Variants in GRM3 observed in about 807,000 individuals in gnomAD.
GRM3 encodes metabotropic glutamate receptor 3.
Under a neutral mutation model 70.5 loss-of-function variants are expected in GRM3, and 26 were observed. The ratio of observed to expected loss-of-function variants is 0.37; its 90% CI spans 0.27 to 0.51. GRM3 has a LOEUF of 0.51. GRM3 is among the 20% of genes least tolerant of loss of function. GRM3 has a pLI of 0.93. For missense variants in GRM3, 859 were observed against 1,123.8 expected (o/e 0.76, Z 3.37); for synonymous variants, 443 against 434.9 (o/e 1.02, Z -0.23).
chr7:86,859,470 G>A (rs1798913689), intron 5 of GRM3, among the ~76,000 whole-genome samples: 1 of 152,158 alleles, frequency 6.6e-6, no homozygotes, highest in African/African-American at 2.4e-5. Flanking sequence ...CAGATTCAAT[G>A]ACAAAGCAGG....
intron 1 of GRM3, among the ~76,000 whole-genome samples, chr7:86,746,341 T>TTTTATATATATATAAAATTATA (rs1388333232): frequency 1.3e-4 from 11 of 87,444 alleles, no homozygotes; most frequent in South Asian, 8.6e-4. Flanking sequence ...CAGTCATGTA[T>TTTTATATATATATAAAATTATA]TATATATATA....
intron 3 of GRM3, among the ~76,000 whole-genome samples, chr7:86,832,245 C>CTTTTT (rs371453726): frequency 5.3e-5 from 6 of 112,326 alleles, no homozygotes; most frequent in East Asian, 2.5e-4. Context: ...TGCTTGTAGC[C>CTTTTT]TTTTTTTTTT....
At chr7:86,741,395 G>C (rs1019191171) in intron 1 of GRM3, among the ~76,000 whole-genome samples, 4 of 152,182 alleles carry the variant, frequency 2.6e-5, no homozygotes, top group Non-Finnish European at 1.5e-5. Context: ...AATTTCTTAA[G>C]TTATTGCTCT....
At chr7:86,677,789 C>T (rs1794343258) in intron 1 of GRM3, among the ~76,000 whole-genome samples, 1 of 151,610 alleles carries the variant, frequency 6.6e-6, no homozygotes, top group Non-Finnish European at 1.5e-5. Context: ...AAATGGCCCG[C>T]AAAGAATGGG....
intron 1 of GRM3, among the ~76,000 whole-genome samples, chr7:86,663,548 T>C (rs1793950835): frequency 1.3e-5 from 2 of 152,064 alleles, no homozygotes; most frequent in African/African-American, 2.4e-5. Context: ...AGCCAATGGA[T>C]TCTGCAGGAA....
At chr7:86,721,966 T>C (rs1362752665) in intron 1 of GRM3, among the ~76,000 whole-genome samples, 4 of 152,090 alleles carry the variant, frequency 2.6e-5, no homozygotes, top group Admixed American at 1.3e-4. Flanking sequence ...TGGCAGAACC[T>C]TAAAGTTGAG....
intron 2 of GRM3, among the ~76,000 whole-genome samples, chr7:86,768,014 A>C (rs574854634): frequency 6.6e-6 from 1 of 152,248 alleles, no homozygotes; most frequent in South Asian, 2.1e-4. Context: ...AACATTGATA[A>C]GGTTCTTATC....
At chr7:86,702,000 T>A (rs979472061) in intron 1 of GRM3, among the ~76,000 whole-genome samples, 8 of 152,014 alleles carry the variant, frequency 5.3e-5, no homozygotes, top group African/African-American at 1.9e-4. Context: ...AAAGACCACA[T>A]GCCAGGAAAT....
chr7:86,785,929 G>A (rs2116537331), intron 2 of GRM3: 1 of 191,740 alleles, frequency 5.2e-6, no homozygotes, highest in East Asian at 1.3e-4. Flanking sequence ...CAGGACCCCA[G>A]AAACTTAAAG....
intron 1 of GRM3, among the ~76,000 whole-genome samples, chr7:86,656,829 A>C (rs1321883423): frequency 3.9e-5 from 6 of 152,158 alleles, no homozygotes; most frequent in Non-Finnish European, 7.3e-5. Context: ...ATAAAGACTT[A>C]TAGGAATCAA....
At chr7:86,813,024 G>A (rs2116661172) in intron 3 of GRM3, among the ~76,000 whole-genome samples, 1 of 151,822 alleles carries the variant, frequency 6.6e-6, no homozygotes, top group Admixed American at 6.6e-5. Context: ...TTGAGAGAAT[G>A]ATGTCTAGTC....
Position 86,839,189 on chromosome 7 carries a change from C to T in GRM3, c.1675C>T (p.Leu559=), listed in dbSNP as rs1173301626. The T allele has an allele frequency of 6.2e-7, 1 of 1,613,654 alleles. No homozygotes were observed. The highest frequency in any genetic ancestry group is 1.1e-5 in the South Asian group (1 of 91,072). ...GTCTGGACAGTGGCCCACTGCAGAC[C>T]TAACTGGATGCTATGACCTTCCTGA... is the stretch of plus-strand genomic sequence containing the variant. ...CGSGQWPTAD[L]TGCYDLPEDY... Residue 559 remains leucine (L), a synonymous_variant, in exon 4 of 6, where the codon CTA becomes TTA. Coordinates refer to ENST00000361669, the MANE Select transcript of GRM3 (RefSeq NM_000840.3). This position sits in a 1 kb window ranked among gnomAD's most constrained non-coding sequence, Gnocchi z 4.5.
rs1562879217 is a variant in GRM3, at chr7:86,839,368, A to G, written c.1854A>G (p.Leu618=). 2 of 1,613,906 alleles carry G rather than the reference A, an allele frequency of 1.2e-6. No homozygotes were observed. The highest frequency in any genetic ancestry group is 1.7e-6 in the Non-Finnish European group (2 of 1,179,940). Reference sequence around the variant, plus strand: ...CGGGCCGAGAACTCTGCTACATCTTATTGTTTGGGGTTGGCCTGTCATACT... The same window carrying G: ...CGGGCCGAGAACTCTGCTACATCTTGTTGTTTGGGGTTGGCCTGTCATACT... ...KASGRELCYI[L]LFGVGLSYCM... Residue 618 remains leucine, a synonymous_variant, in exon 4 of 6, where the codon TTA becomes TTG. Transcript: ENST00000361669. This position sits in a 1 kb window ranked among gnomAD's most constrained non-coding sequence, Gnocchi z 4.5.
chr7:86,854,861 A>G (rs1798817870), intron 5 of GRM3, among the ~76,000 whole-genome samples: 1 of 152,174 alleles, frequency 6.6e-6, no homozygotes, highest in African/African-American at 2.4e-5. Context: ...AGGGAGTGAC[A>G]TTCTGAATTT....
chr7:86,734,308 T>TGGGGGG (rs777762007), intron 1 of GRM3, among the ~76,000 whole-genome samples: 7 of 152,206 alleles, frequency 4.6e-5, no homozygotes, highest in Non-Finnish European at 8.8e-5. Context: ...CACTGCTCAC[T>TGGGGGG]GGTTTTGGCC....
At chr7:86,751,857 T>C (rs1439586534) in intron 1 of GRM3, among the ~76,000 whole-genome samples, 1 of 152,136 alleles carries the variant, frequency 6.6e-6, no homozygotes, top group African/African-American at 2.4e-5. Flanking sequence ...ATTAGAGGAT[T>C]CTCTCATCAG....
At chr7:86,661,153 T>C (rs1358383433) in intron 1 of GRM3, among the ~76,000 whole-genome samples, 4 of 151,970 alleles carry the variant, frequency 2.6e-5, no homozygotes, top group Non-Finnish European at 5.9e-5. Flanking sequence ...CCTGAGACCA[T>C]GGACAGAGGC....
At chr7:86,708,616 C>A (rs1404549590) in intron 1 of GRM3, among the ~76,000 whole-genome samples, 1 of 152,070 alleles carries the variant, frequency 6.6e-6, no homozygotes, top group Non-Finnish European at 1.5e-5. Context: ...AACGAATCCA[C>A]CCCAGAGCTG....
At chr7:86,785,948 G>A (rs1344792049) in intron 2 of GRM3, 1 of 207,570 alleles carries the variant, frequency 4.8e-6, no homozygotes, top group African/African-American at 2.3e-5. Context: ...AGAAACCTGA[G>A]AGCCCATGGA....
Sources: allele counts gnomAD v4.1 joint callset (sites outside exome capture counted in the v4.1 genomes callset), GRCh38; gene constraint gnomAD v4.1.1; non-coding constraint Gnocchi (gnomAD v3.1); transcripts MANE v1.5; gene names NCBI Gene and HGNC (gene_info 2026-07-23, HGNC 2026-07-21).